The following ITPR1 variants were observed in gnomAD, a reference collection of about 807,000 sequenced individuals.
ITPR1 encodes the protein inositol 1,4,5-trisphosphate-gated calcium channel ITPR1.
A neutral mutation model predicts 318.4 loss-of-function variants in ITPR1; 96 were observed. The ratio of observed to expected loss-of-function variants is 0.30; its 90% CI spans 0.26 to 0.36. The LOEUF (loss-of-function observed/expected upper bound fraction) is 0.36. Among genes scored for constraint, ITPR1 ranks in the 10% least tolerant of loss-of-function variants. The probability of loss-of-function intolerance (pLI) is 1.00; values close to 1 mark genes in which losing one functional copy is unlikely to be tolerated. For synonymous variants in ITPR1, 1,312 were observed against 1,289.9 expected, an observed-to-expected ratio of 1.02 and a Z score of -0.37; for missense variants, 2,440 against 3,460.2, an observed-to-expected ratio of 0.71 and a Z score of 7.40.
intron 5 of ITPR1, among the ~76,000 whole-genome samples, chr3:4,637,659 A>T (rs1263007216): frequency 1.3e-5 from 2 of 152,240 alleles, no homozygotes; most frequent in African/African-American, 2.4e-5. Context: ...AAGAGCTGAT[A>T]CAGATGGGGT....
At chr3:4,843,144 T>C (rs1559997193) in intron 61 of ITPR1, among the ~76,000 whole-genome samples, 1 of 150,816 alleles carries the variant, frequency 6.6e-6, no homozygotes. Flanking sequence ...CCAAACACTT[T>C]AGCAGTTGCC....
At chr3:4,553,659 G>T (rs561229333) in intron 4 of ITPR1, among the ~76,000 whole-genome samples, 10 of 144,840 alleles carry the variant, frequency 6.9e-5, no homozygotes, top group East Asian at 2.1e-4. Flanking sequence ...GGAGTGCAAT[G>T]GCATGATCTC....
At chr3:4,822,251 C>T (rs1403410375) in intron 60 of ITPR1, among the ~76,000 whole-genome samples, 2 of 152,154 alleles carry the variant, frequency 1.3e-5, no homozygotes, top group African/African-American at 2.4e-5. Context: ...GCCCAGAGCA[C>T]AGCCAGCCAG....
At chr3:4,654,600 A>G (rs1226883169) in intron 12 of ITPR1, among the ~76,000 whole-genome samples, 2 of 152,200 alleles carry the variant, frequency 1.3e-5, no homozygotes, top group Non-Finnish European at 2.9e-5. Flanking sequence ...CTGGTCTAGG[A>G]TTGAAACAGT....
rs376692603 is a variant in ITPR1 at position 4,675,193 on chromosome 3, C to G, written c.2724C>G (p.Ser908Arg). 4.3e-6 allele frequency: 7 copies of G among 1,612,242 alleles called. No homozygotes were observed. The highest frequency in any genetic ancestry group is 5.9e-6 in the Non-Finnish European group (7 of 1,179,140). Residue 908 changes from serine to arginine, a missense_variant, in exon 23 of 62, where the codon AGC (serine) becomes AGG (arginine). This residue lies in a region of ITPR1 where 478 missense variants were observed against 696.3 expected (regional missense o/e 0.69). Coordinates refer to ENST00000649015, the MANE Select transcript of ITPR1 (RefSeq NM_001378452.1). ...CVHVTTIFPI[S>R]KMAKGEENKG... ...ATGTGACAACAATCTTCCCCATTAGCAAGATGGCGAAAGGAGAAGAGAATA... is the reference window on the plus strand; with the variant it reads ...ATGTGACAACAATCTTCCCCATTAGGAAGATGGCGAAAGGAGAAGAGAATA...
chr3:4,843,079 T>G (rs867193004), intron 61 of ITPR1, among the ~76,000 whole-genome samples: 3,818 of 148,310 alleles, frequency 0.026, 129 homozygotes, highest in South Asian at 0.16. Context: ...GAGGGGTTTT[T>G]TTTTTTTTTT....
chr3:4,729,230 G>A (rs2042734902), intron 42 of ITPR1, among the ~76,000 whole-genome samples: 1 of 152,116 alleles, frequency 6.6e-6, no homozygotes. Flanking sequence ...TAACCTCCCT[G>A]TGCCTCAGTT....
At chr3:4,628,724 G>C (rs1030468364) in intron 5 of ITPR1, among the ~76,000 whole-genome samples, 1 of 152,232 alleles carries the variant, frequency 6.6e-6, no homozygotes, top group South Asian at 2.1e-4. Context: ...GTCTGTGTCA[G>C]TGTTGCTTGT....
At chr3:4,834,047 A>G (rs2050707731) in intron 60 of ITPR1, among the ~76,000 whole-genome samples, 1 of 152,064 alleles carries the variant, frequency 6.6e-6, no homozygotes, top group African/African-American at 2.4e-5. Flanking sequence ...GCCCACCACC[A>G]CACCGAGCTA....
At chr3:4,829,376 C>G (rs1054381598) in intron 60 of ITPR1, among the ~76,000 whole-genome samples, 8 of 151,882 alleles carry the variant, frequency 5.3e-5, no homozygotes, top group Non-Finnish European at 7.4e-5. Flanking sequence ...ACTTTTGGGA[C>G]AAAGAGAACT....
At chr3:4,519,787 C>T (rs1410983918) in intron 3 of ITPR1, among the ~76,000 whole-genome samples, 1 of 152,050 alleles carries the variant, frequency 6.6e-6, no homozygotes, top group Non-Finnish European at 1.5e-5. Flanking sequence ...GATTTACCCA[C>T]CAAATAGATA....
intron 21 of ITPR1, 101 bp downstream of exon 21, chr3:4,673,488 T>C: frequency 8.2e-7 from 1 of 1,224,330 alleles, no homozygotes; most frequent in Non-Finnish European, 1.1e-6. Flanking sequence ...GAAGTGTTGG[T>C]TTTTTCTTCA....
chr3:4,616,952 G>T (rs1575738456), intron 4 of ITPR1, among the ~76,000 whole-genome samples: 1 of 151,972 alleles, frequency 6.6e-6, no homozygotes, highest in African/African-American at 2.4e-5. Context: ...AAGCAGTGAA[G>T]AGTCGGTGTG....
chr3:4,730,221 AAAAAAAAAAC>A (rs2042807493), intron 42 of ITPR1, among the ~76,000 whole-genome samples: 1 of 147,006 alleles, frequency 6.8e-6, no homozygotes, highest in South Asian at 2.2e-4. Flanking sequence ...ATCTTTAAAA[AAAAAAAAAAC>A]AAAAAAAAAC....
intron 44 of ITPR1, among the ~76,000 whole-genome samples, chr3:4,736,079 C>T (rs1204733840): frequency 6.6e-6 from 1 of 152,108 alleles, no homozygotes; most frequent in Non-Finnish European, 1.5e-5. Context: ...TATATATGAT[C>T]CCTTTAAATA....
intron 52 of ITPR1, among the ~76,000 whole-genome samples, chr3:4,792,060 T>C (rs919955531): frequency 6.6e-6 from 1 of 152,212 alleles, no homozygotes; most frequent in Non-Finnish European, 1.5e-5. Flanking sequence ...TGCTAGAGGC[T>C]ACCTGTGGCC....
intron 4 of ITPR1, among the ~76,000 whole-genome samples, chr3:4,586,725 ATT>A (rs11328041): frequency 0.027 from 3,715 of 138,408 alleles, 132 homozygotes; most frequent in African/African-American, 0.079. Context: ...CCCAGGCTGG[ATT>A]TTTTTTTTTT....
At chr3:4,682,044 G>T (rs2094313101) in intron 26 of ITPR1, among the ~76,000 whole-genome samples, 1 of 152,138 alleles carries the variant, frequency 6.6e-6, no homozygotes, top group Non-Finnish European at 1.5e-5. Context: ...CACTTGGTTT[G>T]ATTATTGCTT....
intron 2 of ITPR1, among the ~76,000 whole-genome samples, chr3:4,502,502 C>G (rs1283893140): frequency 6.6e-6 from 1 of 151,548 alleles, no homozygotes; most frequent in East Asian, 2.0e-4. Context: ...GTGCAGTGGC[C>G]TGATCTCAGC....
Sources: allele counts gnomAD v4.1 joint callset (sites outside exome capture counted in the v4.1 genomes callset), GRCh38; gene constraint gnomAD v4.1.1; regional missense constraint gnomAD v4.1.1; transcripts MANE v1.5; gene names NCBI Gene and HGNC (gene_info 2026-07-23, HGNC 2026-07-21).